YAP1: variants seen among roughly 807,000 people sequenced by gnomAD.
The protein encoded by YAP1 is Yes1 associated transcriptional regulator.
Under a neutral mutation model 56.9 loss-of-function variants are expected in YAP1, and 5 were observed. That is an observed-to-expected ratio of 0.09 (90% CI 0.05 to 0.18). YAP1 has a LOEUF of 0.18. Ranked by LOEUF, YAP1 falls within the 10% of genes least tolerant of loss-of-function variation. The pLI is 1.00. For synonymous variants in YAP1, 265 were observed against 248.1 expected, an observed-to-expected ratio of 1.07 and a Z score of -0.64; for missense variants, 539 against 651.8, an observed-to-expected ratio of 0.83 and a Z score of 1.88.
At chr11:102,221,584 A>T (rs1430511752) in intron 6 of YAP1, among the ~76,000 whole-genome samples, 1 of 152,010 alleles carries the variant, frequency 6.6e-6, no homozygotes, top group Non-Finnish European at 1.5e-5. Context: ...TTAGCTGGGT[A>T]TGGTGGTGTG....
At position 102,147,184 on chromosome 11, in the gene YAP1, A is replaced by G. The variant is rs567505016; in HGVS notation, c.573-15272A>G. ...CCAAAGTCCACGTAACCACTGTTAT[A>G]TACTAAAATGTATTTGAATGTTTAT... On this transcript the variant is annotated intron_variant, in intron 2 of 8. Transcript: ENST00000282441. 7.2e-5 allele frequency among the ~76,000 whole-genome samples: 11 copies of G among 152,338 alleles called. No individual in the cohort carries two copies. The South Asian group carries it at 2.1e-3, about 29-fold the overall frequency.
intron 6 of YAP1, among the ~76,000 whole-genome samples, chr11:102,217,157 C>T (rs1949708480): frequency 6.6e-6 from 1 of 152,188 alleles, no homozygotes; most frequent in Admixed American, 6.5e-5. Context: ...GCCCTTCTTA[C>T]TACATTTCTC....
In YAP1 at chr11:102,232,876, C is replaced by G. The variant is rs1358663433; in HGVS notation, c.*2936C>G. On this transcript the variant is annotated 3_prime_UTR_variant, in exon 9 of 9. Coordinates refer to ENST00000282441, the MANE Select transcript of YAP1 (RefSeq NM_001130145.3). ...GTAATAACTTTTCTAAATGTAGTGC[C>G]TTTAAAGGAAAAATGAACACAGGGA... is the stretch of plus-strand genomic sequence containing the variant. 6.6e-6 allele frequency: 1 copy of G among 152,396 alleles called. No individual in the cohort carries two copies. The highest frequency in any genetic ancestry group is 6.6e-5 in the Admixed American group (1 of 15,262). The allele number at this position is 152,396 out of a possible 1,614,324, so 9.4% of individuals were successfully genotyped here.
At chr11:102,162,431 A>G (rs775219757) in intron 2 of YAP1, 25 bp from the exon 3 acceptor site, 3 of 1,596,684 alleles carry the variant, frequency 1.9e-6, no homozygotes, top group Non-Finnish European at 2.6e-6. Flanking sequence ...TTTGTTTCCT[A>G]ATGCAGTGGT....
At chr11:102,154,390 A>G (rs1158204322) in intron 2 of YAP1, among the ~76,000 whole-genome samples, 1 of 152,180 alleles carries the variant, frequency 6.6e-6, no homozygotes, top group Non-Finnish European at 1.5e-5. Flanking sequence ...GTATTGAAAG[A>G]CTACTGACTC....
At chr11:102,187,637 A>T (rs1948045587) in intron 4 of YAP1, among the ~76,000 whole-genome samples, 1 of 152,228 alleles carries the variant, frequency 6.6e-6, no homozygotes, top group African/African-American at 2.4e-5. Context: ...GATGATGACG[A>T]ACGCTTTACC....
intron 1 of YAP1, 48 bp from the exon 2 acceptor site, chr11:102,114,096 A>T: frequency 6.5e-7 from 1 of 1,544,726 alleles, no homozygotes; most frequent in Non-Finnish European, 8.8e-7. Context: ...AAAGGGACTC[A>T]GTTGTGTTTT....
intron 4 of YAP1, among the ~76,000 whole-genome samples, chr11:102,202,912 G>A (rs147309703): frequency 5.5e-4 from 83 of 152,152 alleles, no homozygotes; most frequent in African/African-American, 1.8e-3. Context: ...CTCTATATTC[G>A]AACTTGTTTA....
intron 4 of YAP1, chr11:102,186,808 TAA>T (rs1414729222): frequency 3.0e-4 from 17 of 57,400 alleles, no homozygotes; most frequent in Non-Finnish European, 4.5e-4. Context: ...CAGTGCTTTT[TAA>T]AAAATGTGTG....
intron 2 of YAP1, among the ~76,000 whole-genome samples, chr11:102,153,941 C>T (rs1330074880): frequency 2.6e-5 from 4 of 152,046 alleles, no homozygotes; most frequent in Admixed American, 1.3e-4. Flanking sequence ...AGCCTGCTAG[C>T]ATGGGTCTCA....
At chr11:102,203,139 T>A (rs1415905565) in intron 4 of YAP1, among the ~76,000 whole-genome samples, 1 of 152,138 alleles carries the variant, frequency 6.6e-6, no homozygotes. Flanking sequence ...AAAACACAGA[T>A]TGCTGGCTTC....
chr11:102,207,635 A>C (rs1245635804), intron 5 of YAP1, among the ~76,000 whole-genome samples: 1 of 151,854 alleles, frequency 6.6e-6, no homozygotes, highest in East Asian at 1.9e-4. Flanking sequence ...GTATCTCTTG[A>C]GTGTCAGTGA....
Position 102,225,333 on chromosome 11 carries a change from A to G in YAP1, c.1163+1581A>G, listed in dbSNP as rs759334070. ...AAACCCCATCTTTACTAAAAATACA[A>G]AATTAGTTGGGCATGGTCACGCATG... On this transcript the variant is annotated intron_variant, in intron 7 of 8. Coordinates refer to ENST00000282441, the MANE Select transcript of YAP1 (RefSeq NM_001130145.3). Among the ~76,000 whole-genome samples, 36 of 152,216 alleles carry G rather than the reference A, an allele frequency of 2.4e-4. 1 individual carries two copies. The highest frequency in any genetic ancestry group is 2.0e-4 in the Admixed American group (3 of 15,300).
intron 4 of YAP1, among the ~76,000 whole-genome samples, chr11:102,199,276 T>C (rs1948724752): frequency 6.6e-6 from 1 of 152,198 alleles, no homozygotes; most frequent in Non-Finnish European, 1.5e-5. Flanking sequence ...TATGCCCAAC[T>C]CTAATCCAAG....
intron 2 of YAP1, among the ~76,000 whole-genome samples, chr11:102,155,111 C>T (rs1021121801): frequency 5.9e-5 from 9 of 152,058 alleles, no homozygotes; most frequent in African/African-American, 2.2e-4. Context: ...AACCTAACTC[C>T]CAACTTAAAT....
chr11:102,128,674 G>A (rs918891281), intron 2 of YAP1, among the ~76,000 whole-genome samples: 2 of 152,206 alleles, frequency 1.3e-5, no homozygotes, highest in African/African-American at 4.8e-5. Context: ...CTTAAAGGGA[G>A]AATTACAGCT....
chr11:102,156,733 G>A lies in YAP1; in HGVS notation c.573-5723G>A, dbSNP rs140872358. On this transcript the variant is annotated intron_variant, in intron 2 of 8. Coordinates refer to ENST00000282441, the MANE Select transcript of YAP1 (RefSeq NM_001130145.3). The stretch of plus-strand genomic sequence containing the variant: ...GAAAAGATGTTCAATTTTGCTGAAC[G>A]TAACTTCAGGTACACGCCATTTGGG... Among the ~76,000 whole-genome samples the A allele has an allele frequency of 5.3e-3, 802 of 152,270 alleles. 6 individuals carry two copies. Among genetic ancestry groups the A allele is most frequent in the African/African-American group, 0.018 (765 of 41,556 alleles).
chr11:102,215,707 G>C (rs748922733), intron 6 of YAP1, among the ~76,000 whole-genome samples: 22 of 152,152 alleles, frequency 1.4e-4, no homozygotes, highest in Non-Finnish European at 2.8e-4. Context: ...TCGAACTCCT[G>C]ACCTCAGGTG....
intron 3 of YAP1, among the ~76,000 whole-genome samples, chr11:102,167,577 T>G (rs973116190): frequency 2.0e-5 from 3 of 151,850 alleles, no homozygotes; most frequent in African/African-American, 7.3e-5. Context: ...CACTAAAGAT[T>G]TAAAAATTAG....
Sources: gnomAD v4.1 joint callset for allele counts (sites outside exome capture counted in the v4.1 genomes callset) on GRCh38, gnomAD v4.1.1 for gene constraint, MANE v1.5 for transcripts, NCBI Gene and HGNC (gene_info 2026-07-23, HGNC 2026-07-21) for gene names.